KCNMB4: variants seen among roughly 807,000 people sequenced by gnomAD.
KCNMB4 encodes the protein calcium-activated potassium channel subunit beta-4.
In KCNMB4, 3 loss-of-function variants were observed where a neutral mutation model predicts 20.7. The observed-to-expected ratio is 0.14, with a 90% CI of 0.07 to 0.37. KCNMB4 has a LOEUF of 0.37. KCNMB4 is among the 10% of genes least tolerant of loss of function. The pLI, the probability that KCNMB4 is intolerant of heterozygous loss-of-function variation, is 1.00. For missense variants in KCNMB4, 168 were observed against 265.9 expected (o/e 0.63, Z 2.56); for synonymous variants, 110 against 113.4 (o/e 0.97, Z 0.19).
At position 70,366,703 on chromosome 12, in the gene KCNMB4, G is replaced by A; in HGVS notation, c.-32G>A. On this transcript the variant is annotated 5_prime_UTR_variant, in exon 1 of 3. Transcript: ENST00000258111. ...GGCGCCGGGGGCGGGAGGGGGCGGG[G>A]GGAGCACGCCAGCCGCCGAGAGTGG... The A allele has an allele frequency of 6.7e-7, 1 of 1,486,506 alleles. No individual in the cohort carries two copies. Among genetic ancestry groups the A allele is most frequent in the South Asian group, 1.3e-5 (1 of 75,922 alleles). The allele number at this position is 1,486,506 out of a possible 1,614,324, so 92.1% of individuals were successfully genotyped here. A position where few individuals can be genotyped will look rare whatever the true frequency, so the allele number is the denominator to read the frequency against.
chr12:70,387,443 C>T (rs1176069919), intron 1 of KCNMB4, among the ~76,000 whole-genome samples: 2 of 144,060 alleles, frequency 1.4e-5, no homozygotes, highest in Non-Finnish European at 3.0e-5. Flanking sequence ...GCTCTTGTTG[C>T]CCAGGCTAGA....
At chr12:70,375,542 C>CTA (rs1883670692) in intron 1 of KCNMB4, among the ~76,000 whole-genome samples, 1 of 151,826 alleles carries the variant, frequency 6.6e-6, no homozygotes, top group African/African-American at 2.4e-5. Flanking sequence ...ACTCAGGAGG[C>CTA]TAAGGCTCCT....
chr12:70,416,815 G>T (rs577192178), intron 2 of KCNMB4, among the ~76,000 whole-genome samples: 2 of 152,214 alleles, frequency 1.3e-5, no homozygotes, highest in South Asian at 4.2e-4. Flanking sequence ...AGCCTTGATA[G>T]AAATGCTAGC....
At chr12:70,397,282 A>C (rs1311357895) in intron 1 of KCNMB4, among the ~76,000 whole-genome samples, 2 of 152,124 alleles carry the variant, frequency 1.3e-5, no homozygotes, top group Admixed American at 1.3e-4. Flanking sequence ...CAAGAGTTCA[A>C]GGCTGCAGTT....
chr12:70,422,585 G>A (rs1869094663), intron 2 of KCNMB4: 1 of 613,294 alleles, frequency 1.6e-6, no homozygotes, highest in Non-Finnish European at 2.5e-6. Context: ...CAATGGAAGA[G>A]CAACAAAGGA....
intron 2 of KCNMB4, among the ~76,000 whole-genome samples, chr12:70,425,437 CA>C (rs1391275828): frequency 6.6e-6 from 1 of 151,946 alleles, no homozygotes. Flanking sequence ...GACCCCATCT[CA>C]AAAAAACAAA....
At chr12:70,410,249 C>G (rs1439352776) in intron 2 of KCNMB4, among the ~76,000 whole-genome samples, 1 of 152,228 alleles carries the variant, frequency 6.6e-6, no homozygotes, top group Non-Finnish European at 1.5e-5. Context: ...GCCTAACCCA[C>G]AATAATTCCT....
At chr12:70,411,895 A>G (rs1396919254) in intron 2 of KCNMB4, among the ~76,000 whole-genome samples, 4 of 152,336 alleles carry the variant, frequency 2.6e-5, no homozygotes, top group South Asian at 2.1e-4. Flanking sequence ...AGTGACAGTC[A>G]CATTTAAGTT....
intron 2 of KCNMB4, among the ~76,000 whole-genome samples, chr12:70,424,180 A>G (rs1437885724): frequency 6.6e-6 from 1 of 152,196 alleles, no homozygotes; most frequent in East Asian, 1.9e-4. Context: ...CAGGGCCACA[A>G]AATTCCCCTG....
intron 1 of KCNMB4, among the ~76,000 whole-genome samples, chr12:70,378,289 A>G (rs1370204294): frequency 1.3e-5 from 2 of 151,924 alleles, no homozygotes; most frequent in East Asian, 1.9e-4. Context: ...GTTCTTTCCT[A>G]TTTCTACCAC....
In KCNMB4 at chr12:70,367,873, GA is replaced by G. The variant is rs779409213; in HGVS notation, c.336+815del. ...AAGCAAGCAAGAAGAAAAAGAAAAA[GA>G]AAAAAAAAAAAGATAAAACCTGGTT... On this transcript the variant is annotated intron_variant, in intron 1 of 2. Coordinates refer to ENST00000258111, the MANE Select transcript of KCNMB4 (RefSeq NM_014505.6). Among the ~76,000 whole-genome samples, 408 of 135,668 alleles carry G rather than the reference GA, an allele frequency of 3.0e-3. 2 individuals carry two copies. The highest frequency in any genetic ancestry group is 7.3e-3 in the African/African-American group (270 of 37,070). 89.0% of individuals were successfully genotyped at this position (135,668 alleles called of 152,430 possible).
chr12:70,411,998 T>C (rs1868792237), intron 2 of KCNMB4, among the ~76,000 whole-genome samples: 1 of 151,956 alleles, frequency 6.6e-6, no homozygotes, highest in Non-Finnish European at 1.5e-5. Context: ...GTTGTACCAG[T>C]CTAGACAAGG....
At chr12:70,386,098 T>C (rs530874360) in intron 1 of KCNMB4, among the ~76,000 whole-genome samples, 1 of 152,224 alleles carries the variant, frequency 6.6e-6, no homozygotes, top group East Asian at 1.9e-4. Flanking sequence ...TTACTTAAAA[T>C]CCAAAATGAA....
Position 70,430,780 on chromosome 12 carries a change from C to A in KCNMB4, c.*127C>A. 2 of 851,048 alleles carry A rather than the reference C, an allele frequency of 2.4e-6. No homozygotes were observed. Among genetic ancestry groups the A allele is most frequent in the Non-Finnish European group, 3.4e-6 (2 of 596,982 alleles). 52.7% of individuals were successfully genotyped at this position (851,048 alleles called of 1,614,324 possible). On this transcript the variant is annotated 3_prime_UTR_variant, in exon 3 of 3. Transcript: ENST00000258111. ...CACGACAGGGCTCTGAGAGGCTCAT[C>A]CCTCAGTGGCAACAGAAACAGGCAC...
At chr12:70,403,922 G>A (rs1479933082) in intron 2 of KCNMB4, among the ~76,000 whole-genome samples, 1 of 152,230 alleles carries the variant, frequency 6.6e-6, no homozygotes, top group Non-Finnish European at 1.5e-5. Context: ...GTGAGTGAAT[G>A]AATAAGTGAA....
At chr12:70,388,984 G>C (rs887509437) in intron 1 of KCNMB4, among the ~76,000 whole-genome samples, 16 of 149,656 alleles carry the variant, frequency 1.1e-4, no homozygotes, top group African/African-American at 3.2e-4. Flanking sequence ...TTTTTTTCTG[G>C]TTTTTACCTC....
intron 2 of KCNMB4, among the ~76,000 whole-genome samples, chr12:70,417,803 G>T (rs1868948965): frequency 6.6e-6 from 1 of 151,926 alleles, no homozygotes; most frequent in South Asian, 2.1e-4. Context: ...AACATTTACT[G>T]AGCTCTCACT....
At chr12:70,426,248 C>T (rs544718962) in intron 2 of KCNMB4, among the ~76,000 whole-genome samples, 4 of 150,690 alleles carry the variant, frequency 2.7e-5, no homozygotes, top group Non-Finnish European at 2.9e-5. Flanking sequence ...GAGCCAAGAT[C>T]GTGCCACTGC....
intron 2 of KCNMB4, among the ~76,000 whole-genome samples, chr12:70,426,293 CA>C (rs11320040): frequency 0.12 from 13,026 of 108,764 alleles, 595 homozygotes; most frequent in South Asian, 0.19. Context: ...GATTCCGTCT[CA>C]AAAAAAAAAA....
Sources: gnomAD v4.1 joint callset for allele counts (sites outside exome capture counted in the v4.1 genomes callset) on GRCh38, gnomAD v4.1.1 for gene constraint, MANE v1.5 for transcripts, NCBI Gene and HGNC (gene_info 2026-07-23, HGNC 2026-07-21) for gene names.